ORC3: variants seen among roughly 807,000 people sequenced by gnomAD.
ORC3 encodes the protein origin recognition complex subunit 3.
ORC3 carries 78 observed loss-of-function variants against 100.7 expected under a neutral mutation model. The observed-to-expected ratio is 0.77, with a 90% CI of 0.65 to 0.94. The LOEUF is 0.94. Ranked by LOEUF, ORC3 falls within the 40% of genes least tolerant of loss-of-function variation. The probability of loss-of-function intolerance (pLI) is 0.00; values close to 1 mark genes in which losing one functional copy is unlikely to be tolerated. For missense variants in ORC3, 789 were observed against 823.9 expected (o/e 0.96, Z 0.52); for synonymous variants, 295 against 289.3 (o/e 1.02, Z -0.20).
At chr6:87,620,382 G>A (rs1026647914) in intron 9 of ORC3, among the ~76,000 whole-genome samples, 24 of 152,172 alleles carry the variant, frequency 1.6e-4, no homozygotes, top group African/African-American at 5.5e-4. Context: ...CAGGCCCTTT[G>A]CCTTACAGCC....
At chr6:87,639,825 C>CAAAAAAAAAAA (rs548788316) in intron 13 of ORC3, among the ~76,000 whole-genome samples, 87 of 58,188 alleles carry the variant, frequency 1.5e-3, no homozygotes, top group Middle Eastern at 8.6e-3. Context: ...GCCAAAAATA[C>CAAAAAAAAAAA]AAAAAAAAAA....
chr6:87,594,510 T>C, intron 2 of ORC3, 103 bp downstream of exon 2: 3 of 1,400,772 alleles, frequency 2.1e-6, no homozygotes, highest in Non-Finnish European at 2.8e-6. Context: ...CTTGGCTTAC[T>C]TGCCATGTTG....
At chr6:87,595,657 T>C (rs1211549879) in intron 2 of ORC3, among the ~76,000 whole-genome samples, 1 of 152,212 alleles carries the variant, frequency 6.6e-6, no homozygotes. Flanking sequence ...CACACAGTTC[T>C]CAATCACTCT....
downstream of ORC3, among the ~76,000 whole-genome samples, chr6:87,670,297 C>G (rs1394417848): frequency 6.6e-6 from 1 of 152,158 alleles, no homozygotes; most frequent in Non-Finnish European, 1.5e-5. Context: ...TCCCAAGTAG[C>G]TGGGACCACA....
At chr6:87,610,538 TA>T (rs1033927212) in intron 7 of ORC3, among the ~76,000 whole-genome samples, 5 of 149,260 alleles carry the variant, frequency 3.3e-5, no homozygotes, top group African/African-American at 1.3e-4. Context: ...TAATATACTT[TA>T]TTTTTTTTTA....
intron 12 of ORC3, 55 bp from the exon 13 acceptor site, chr6:87,636,352 A>G: frequency 2.4e-5 from 25 of 1,026,986 alleles, no homozygotes; most frequent in Non-Finnish European, 3.7e-5. Flanking sequence ...ATTTTTGCCA[A>G]ACTAGTAGTG....
At chr6:87,627,067 G>T (rs937209247) in intron 11 of ORC3, among the ~76,000 whole-genome samples, 2 of 150,318 alleles carry the variant, frequency 1.3e-5, no homozygotes, top group African/African-American at 2.5e-5. Flanking sequence ...GCGTTATCTC[G>T]GCTCACTGCA....
intron 13 of ORC3, among the ~76,000 whole-genome samples, chr6:87,641,480 C>T (rs748478772): frequency 8.5e-5 from 13 of 152,206 alleles, no homozygotes; most frequent in Non-Finnish European, 1.6e-4. Flanking sequence ...GAGCAAGCTT[C>T]TGTGGACTCA....
intron 13 of ORC3, among the ~76,000 whole-genome samples, chr6:87,643,254 GAT>G (rs1768420193): frequency 6.6e-6 from 1 of 152,148 alleles, no homozygotes. Context: ...AATTAGCTGA[GAT>G]ATTGATCATT....
At chr6:87,636,377 G>A (rs1373893137) in intron 12 of ORC3, 30 bp from the exon 13 acceptor site, 2 of 1,406,260 alleles carry the variant, frequency 1.4e-6, no homozygotes, top group Admixed American at 3.5e-5. Flanking sequence ...TACACTTTTG[G>A]TTCCTCACAA....
chr6:87,650,134 G>A (rs1315401087), intron 13 of ORC3, among the ~76,000 whole-genome samples: 1 of 143,948 alleles, frequency 6.9e-6, no homozygotes, highest in African/African-American at 2.6e-5. Flanking sequence ...ACGGCTCACT[G>A]CAGCCTTGAC....
chr6:87,596,921 A>T (rs948403573), intron 2 of ORC3, among the ~76,000 whole-genome samples: 4 of 152,214 alleles, frequency 2.6e-5, no homozygotes, highest in Admixed American at 2.6e-4. Flanking sequence ...CCCTACGACC[A>T]GTTATCCCCA....
chr6:87,659,077 T>G (rs1458427628), intron 16 of ORC3, among the ~76,000 whole-genome samples: 1 of 148,584 alleles, frequency 6.7e-6, no homozygotes, highest in African/African-American at 2.5e-5. Flanking sequence ...TTTTTTTTTT[T>G]TTTTGAGACG....
chr6:87,606,127 C>A, intron 5 of ORC3, 106 bp downstream of exon 5: 1 of 688,888 alleles, frequency 1.5e-6, no homozygotes, highest in Non-Finnish European at 2.6e-6. Flanking sequence ...GTGGAAAGAA[C>A]ACAGTGCTAT....
chr6:87,663,012 T>C lies in ORC3; in HGVS notation c.1701T>C (p.Leu567=), dbSNP rs1468128730. The part of the protein sequence containing the change: ...NFIDCLVREY[L]LPPETQPLHE... Reference sequence around the variant, plus strand: ...TGACTGGCTGTTTCAGAGAATACCTTCTGCCTCCTGAGACACAGCCTCTCC... The same window carrying C: ...TGACTGGCTGTTTCAGAGAATACCTCCTGCCTCCTGAGACACAGCCTCTCC... Residue 567 remains leucine, a synonymous_variant, in exon 17 of 20, where the codon CTT becomes CTC. Coordinates refer to ENST00000392844, the MANE Select transcript of ORC3 (RefSeq NM_012381.4). The C allele has an allele frequency of 6.2e-7, 1 of 1,604,544 alleles. No homozygotes were observed. The highest frequency in any genetic ancestry group is 8.5e-7 in the Non-Finnish European group (1 of 1,173,868).
At chr6:87,655,073 G>A (rs1030811042) in intron 14 of ORC3, among the ~76,000 whole-genome samples, 6 of 152,252 alleles carry the variant, frequency 3.9e-5, no homozygotes, top group African/African-American at 9.6e-5. Flanking sequence ...AACTCCCCAC[G>A]TTGGATGAGT....
intron 7 of ORC3, 55 bp downstream of exon 7, chr6:87,609,284 A>G (rs1583029423): frequency 8.1e-7 from 1 of 1,239,508 alleles, no homozygotes; most frequent in Non-Finnish European, 1.1e-6. Flanking sequence ...AGAAAATACT[A>G]CTTTTAACTT....
intron 11 of ORC3, among the ~76,000 whole-genome samples, chr6:87,622,976 A>G (rs148326395): frequency 3.7e-4 from 57 of 152,322 alleles, no homozygotes; most frequent in African/African-American, 1.3e-3. Flanking sequence ...TTGTTAGAAT[A>G]TTGTAATGAT....
At chr6:87,607,280 A>G (rs1778410332) in intron 5 of ORC3, among the ~76,000 whole-genome samples, 1 of 152,030 alleles carries the variant, frequency 6.6e-6, no homozygotes, top group South Asian at 2.1e-4. Flanking sequence ...AAATACAAAA[A>G]TTAGCTGGGT....
Sources: allele counts gnomAD v4.1 joint callset (sites outside exome capture counted in the v4.1 genomes callset), GRCh38; gene constraint gnomAD v4.1.1; transcripts MANE v1.5; gene names NCBI Gene and HGNC (gene_info 2026-07-23, HGNC 2026-07-21).